MARK1: variants seen among roughly 807,000 people sequenced by gnomAD.
The protein encoded by MARK1 is serine/threonine-protein kinase MARK1.
MARK1 carries 40 observed loss-of-function variants against 96.3 expected under a neutral mutation model. That is an observed-to-expected ratio of 0.42 (90% CI 0.32 to 0.54). The LOEUF (loss-of-function observed/expected upper bound fraction) is 0.54, where lower values mean the gene tolerates loss of function less well. MARK1 is among the 20% of genes least tolerant of loss of function. The pLI is 0.16. For missense variants in MARK1, 719 were observed against 984.6 expected (o/e 0.73, Z 3.61); for synonymous variants, 317 against 341.2 (o/e 0.93, Z 0.78).
intron 1 of MARK1, among the ~76,000 whole-genome samples, chr1:220,560,579 A>G (rs1232021462): frequency 6.6e-6 from 1 of 152,196 alleles, no homozygotes; most frequent in Non-Finnish European, 1.5e-5. Flanking sequence ...ATGCCGAGAC[A>G]GCCTATCTGA....
At chr1:220,554,756 TA>T (rs1662130979) in intron 1 of MARK1, among the ~76,000 whole-genome samples, 4 of 152,224 alleles carry the variant, frequency 2.6e-5, no homozygotes, top group Admixed American at 2.6e-4. Flanking sequence ...AACCAACTTA[TA>T]AAACTTTGAT....
intron 1 of MARK1, among the ~76,000 whole-genome samples, chr1:220,561,330 A>G (rs1408699796): frequency 1.3e-5 from 2 of 152,174 alleles, no homozygotes; most frequent in Non-Finnish European, 2.9e-5. Context: ...AGCCCAACAC[A>G]AATTTGTAAA....
intron 9 of MARK1, among the ~76,000 whole-genome samples, chr1:220,622,866 CAG>C: frequency 6.6e-6 from 1 of 152,242 alleles, no homozygotes; most frequent in Non-Finnish European, 1.5e-5. Context: ...GCCGGGATGA[CAG>C]AACAAGACCC....
chr1:220,554,537 C>T (rs1184540815), intron 1 of MARK1, among the ~76,000 whole-genome samples: 1 of 152,130 alleles, frequency 6.6e-6, no homozygotes. Flanking sequence ...GTTTGAGAGA[C>T]CCTGAACTAA....
At chr1:220,606,386 G>A (rs1331419707) in intron 6 of MARK1, among the ~76,000 whole-genome samples, 1 of 151,992 alleles carries the variant, frequency 6.6e-6, no homozygotes, top group Admixed American at 6.6e-5. Context: ...TTTTTTTCTT[G>A]TAAATTTCTG....
At chr1:220,574,882 G>A (rs1663725472) in intron 1 of MARK1, among the ~76,000 whole-genome samples, 1 of 152,180 alleles carries the variant, frequency 6.6e-6, no homozygotes, top group South Asian at 2.1e-4. Flanking sequence ...TGCAAAAATA[G>A]CATATTCCAA....
chr1:220,549,539 A>G (rs528326295), intron 1 of MARK1, among the ~76,000 whole-genome samples: 1 of 152,348 alleles, frequency 6.6e-6, no homozygotes, highest in East Asian at 1.9e-4. Context: ...AAAGTATTAC[A>G]TTTACAACAT....
chr1:220,599,417 C>T (rs1665592922), intron 4 of MARK1, among the ~76,000 whole-genome samples: 2 of 151,992 alleles, frequency 1.3e-5, no homozygotes, highest in Non-Finnish European at 2.9e-5. Context: ...TCTTTTGTTT[C>T]TGTACCAAAG....
intron 13 of MARK1, among the ~76,000 whole-genome samples, chr1:220,636,963 A>T (rs1456971862): frequency 6.6e-6 from 1 of 152,128 alleles, no homozygotes; most frequent in Non-Finnish European, 1.5e-5. Flanking sequence ...AGCAACATGG[A>T]TACAGTAAGA....
At chr1:220,532,856 A>G (rs183816820) in intron 1 of MARK1, among the ~76,000 whole-genome samples, 7 of 152,208 alleles carry the variant, frequency 4.6e-5, no homozygotes, top group Non-Finnish European at 8.8e-5. Context: ...AAATACAAAA[A>G]TAAGCTGGGC....
At chr1:220,594,269 A>G (rs1309079898) in intron 3 of MARK1, among the ~76,000 whole-genome samples, 3 of 152,234 alleles carry the variant, frequency 2.0e-5, no homozygotes, top group Admixed American at 6.5e-5. Flanking sequence ...TAAGCATATG[A>G]AAAGATACTC....
intron 1 of MARK1, among the ~76,000 whole-genome samples, chr1:220,545,439 G>GTTT (rs35422682): frequency 0.018 from 1,601 of 86,942 alleles, 34 homozygotes; most frequent in East Asian, 0.033. Context: ...CTTTCTCATG[G>GTTT]TTTTTTTTTT....
chr1:220,548,819 A>G (rs991426352), intron 1 of MARK1, among the ~76,000 whole-genome samples: 1 of 152,164 alleles, frequency 6.6e-6, no homozygotes, highest in Non-Finnish European at 1.5e-5. Flanking sequence ...AATTTCTGGC[A>G]TGAGTTTGCT....
At position 220,653,323 on chromosome 1, in the gene MARK1, A is replaced by G. The variant is rs1402500731; in HGVS notation, c.1959A>G (p.Ile653Met). 6 of 1,614,112 alleles carry G rather than the reference A, an allele frequency of 3.7e-6. No homozygotes were observed. Among genetic ancestry groups the G allele is most frequent in the Non-Finnish European group, 5.1e-6 (6 of 1,180,040 alleles). The change falls in exon 16 of 18, where the codon ATA becomes ATG. Residue 653 changes from isoleucine to methionine, a missense_variant. By Grantham distance (10) the Ile-to-Met change is conservative. This residue lies in a region of MARK1 where 501 missense variants were observed against 588.3 expected (regional missense o/e 0.85). Coordinates refer to ENST00000366917, the MANE Select transcript of MARK1 (RefSeq NM_018650.5). ...GAAGGGGAACGTCAACTGGTATAAT[A>G]AGCAAAATCACATCCAAATTTGTTC... ...HARRGTSTGI[I>M]SKITSKFVRR...
At chr1:220,645,397 A>G (rs1262984884) in intron 13 of MARK1, among the ~76,000 whole-genome samples, 5 of 152,184 alleles carry the variant, frequency 3.3e-5, no homozygotes, top group Non-Finnish European at 7.3e-5. Context: ...ACCAATAACA[A>G]GTTCTTAAAT....
chr1:220,566,998 G>C (rs1663108298), intron 1 of MARK1, among the ~76,000 whole-genome samples: 1 of 152,056 alleles, frequency 6.6e-6, no homozygotes, highest in South Asian at 2.1e-4. Context: ...GTTCAAAAGG[G>C]TATGCCAGTG....
chr1:220,660,557 C>T (rs1572252067), intron 17 of MARK1, among the ~76,000 whole-genome samples: 1 of 151,508 alleles, frequency 6.6e-6, no homozygotes, highest in Admixed American at 6.6e-5. Flanking sequence ...TTTCTTAAAT[C>T]ACATAAGTGA....
chr1:220,589,981 C>T (rs1295243433), intron 3 of MARK1, among the ~76,000 whole-genome samples: 1 of 152,156 alleles, frequency 6.6e-6, no homozygotes, highest in African/African-American at 2.4e-5. Flanking sequence ...TCAGCTCTCT[C>T]CACTGACCCA....
At chr1:220,655,009 A>G (rs576963202) in intron 16 of MARK1, among the ~76,000 whole-genome samples, 4 of 152,220 alleles carry the variant, frequency 2.6e-5, no homozygotes, top group Non-Finnish European at 5.9e-5. Context: ...TGTAGGAGCT[A>G]TTGCTACGGC....
Sources: allele counts gnomAD v4.1 joint callset (sites outside exome capture counted in the v4.1 genomes callset), GRCh38; gene constraint gnomAD v4.1.1; regional missense constraint gnomAD v4.1.1; transcripts MANE v1.5; gene names NCBI Gene and HGNC (gene_info 2026-07-23, HGNC 2026-07-21).